SPATC1: variants seen among roughly 807,000 people sequenced by gnomAD.
SPATC1 encodes the protein speriolin.
SPATC1 carries 35 observed loss-of-function variants against 36.5 expected under a neutral mutation model. That is an observed-to-expected ratio of 0.96 (90% CI 0.73 to 1.27). The LOEUF (loss-of-function observed/expected upper bound fraction) is 1.27. Among genes scored for constraint, SPATC1 ranks in the 50% most tolerant of loss-of-function variants. The probability of loss-of-function intolerance (pLI) is 0.00; values close to 1 mark genes in which losing one functional copy is unlikely to be tolerated. For synonymous variants in SPATC1, 361 were observed against 353.6 expected, an observed-to-expected ratio of 1.02 and a Z score of -0.24; for missense variants, 779 against 796.0, an observed-to-expected ratio of 0.98 and a Z score of 0.26.
intron 1 of SPATC1, among the ~76,000 whole-genome samples, chr8:144,015,127 C>T (rs1292132963): frequency 6.6e-6 from 1 of 151,664 alleles, no homozygotes; most frequent in African/African-American, 2.4e-5. Flanking sequence ...GCAACCTCTG[C>T]TTCCTGGGTT....
At chr8:144,034,487 A>AT (rs1471623908) in intron 1 of SPATC1, among the ~76,000 whole-genome samples, 1 of 152,052 alleles carries the variant, frequency 6.6e-6, no homozygotes, top group Non-Finnish European at 1.5e-5. Flanking sequence ...AAATTTTAGA[A>AT]TGTACATGAA....
chr8:144,038,322 A>T (rs1235755203), intron 1 of SPATC1, among the ~76,000 whole-genome samples: 1 of 146,828 alleles, frequency 6.8e-6, no homozygotes, highest in Non-Finnish European at 1.5e-5. Context: ...AGTCCCAGCT[A>T]CTCAGGAGGC....
Position 144,040,454 on chromosome 8 carries a change from A to C in SPATC1, c.757A>C (p.Thr253Pro), listed in dbSNP as rs1835045888. The change falls in exon 2 of 5, where the codon ACC (threonine) becomes CCC (proline). Residue 253 changes from threonine (T) to proline (P), a missense_variant. By Grantham distance (38) the Thr-to-Pro change is conservative. Coordinates refer to ENST00000377470, the MANE Select transcript of SPATC1 (RefSeq NM_198572.3). Reference sequence around the variant, plus strand: ...CCCAGCTTGCGTGGTACCCACTGCCACCACCAAAGGTAACAGGTGTGGTGG... The same window carrying C: ...CCCAGCTTGCGTGGTACCCACTGCCCCCACCAAAGGTAACAGGTGTGGTGG... Reference protein sequence around the residue: ...QSPACVVPTATTKVPLSTEPP... With the variant: ...QSPACVVPTAPTKVPLSTEPP... 1 of 1,597,936 alleles carries C rather than the reference A, an allele frequency of 6.3e-7. No homozygotes were observed. The highest frequency in any genetic ancestry group is 8.5e-7 in the Non-Finnish European group (1 of 1,172,414).
At chr8:144,011,526 T>C (rs890770856), upstream of SPATC1, among the ~76,000 whole-genome samples, 2 of 151,734 alleles carry the variant, frequency 1.3e-5, no homozygotes, top group African/African-American at 4.8e-5. This position sits in a 1 kb window ranked among gnomAD's most constrained non-coding sequence, Gnocchi z 4.5. Flanking sequence ...CAAAAAGAGG[T>C]TTGAGGGAGA....
chr8:144,045,401 C>T lies in SPATC1; in HGVS notation c.1447-1226C>T, dbSNP rs1420506784. Among the ~76,000 whole-genome samples the T allele has an allele frequency of 6.6e-6, 1 of 152,218 alleles. No individual in the cohort carries two copies. Among genetic ancestry groups the T allele is most frequent in the Admixed American group, 6.5e-5 (1 of 15,280 alleles). ...CCGGGCCCGGTCCTGAGTCCAGCCC[C>T]AAGACTGGTACCCTGCGCCTGGAGC... is the stretch of plus-strand genomic sequence containing the variant. On this transcript the variant is annotated intron_variant, in intron 4 of 4. Coordinates refer to ENST00000377470, the MANE Select transcript of SPATC1 (RefSeq NM_198572.3). The surrounding 1 kb of genome is among the most constrained non-coding windows in gnomAD (Gnocchi z 5.2).
chr8:144,021,640 T>C, intron 1 of SPATC1, among the ~76,000 whole-genome samples: 5 of 92,016 alleles, frequency 5.4e-5, no homozygotes, highest in African/African-American at 2.1e-4. Flanking sequence ...CCCAGGACCT[T>C]CCCCCTCAAG....
At position 144,044,358 on chromosome 8, in the gene SPATC1, T is replaced by G. The variant is rs1350138039; in HGVS notation, c.1447-2269T>G. On this transcript the variant is annotated intron_variant, in intron 4 of 4. Coordinates refer to ENST00000377470, the MANE Select transcript of SPATC1 (RefSeq NM_198572.3). The stretch of plus-strand genomic sequence containing the variant: ...GCTCTGTCGCCCGGGCTGGAGTGCA[T>G]TGGCGCGATCTTGGCTCACTGCAAG... Among the ~76,000 whole-genome samples, 43 of 151,252 alleles carry G rather than the reference T, an allele frequency of 2.8e-4. No individual in the cohort carries two copies. In the Middle Eastern group the frequency reaches 0.01, roughly 36 times the overall value.
chr8:144,025,153 G>C (rs1372356711), intron 1 of SPATC1, among the ~76,000 whole-genome samples: 1 of 150,972 alleles, frequency 6.6e-6, no homozygotes, highest in Non-Finnish European at 1.5e-5. Context: ...CTCCTCTCAG[G>C]ATCATTTCAC....
Position 144,036,060 on chromosome 8 carries a change from C to A in SPATC1, c.212-3849C>A, listed in dbSNP as rs1161700192. On this transcript the variant is annotated intron_variant, in intron 1 of 4. Coordinates refer to ENST00000377470, the MANE Select transcript of SPATC1 (RefSeq NM_198572.3). ...GGACTGCTTGCCTTTGGCCCACAAGCTTTATTGTCTCCTGGGTCCTAAAAC... is the reference window on the plus strand; with the variant it reads ...GGACTGCTTGCCTTTGGCCCACAAGATTTATTGTCTCCTGGGTCCTAAAAC... Among the ~76,000 whole-genome samples, 3 of 152,160 alleles carry A rather than the reference C, an allele frequency of 2.0e-5. No individual in the cohort carries two copies. The East Asian group carries it at 5.8e-4, about 29-fold the overall frequency.
chr8:144,033,004 G>C (rs2133129270), intron 1 of SPATC1, among the ~76,000 whole-genome samples: 1 of 151,856 alleles, frequency 6.6e-6, no homozygotes, highest in East Asian at 1.9e-4. Flanking sequence ...AGCCTGGGGA[G>C]GAGGTGAATC....
chr8:144,021,324 C>CAA (rs1834529984), intron 1 of SPATC1, among the ~76,000 whole-genome samples: 1 of 129,648 alleles, frequency 7.7e-6, no homozygotes, highest in Admixed American at 7.5e-5. Flanking sequence ...GACCCTCTGC[C>CAA]CTCATGACCC....
At chr8:144,020,944 G>C (rs1834511676) in intron 1 of SPATC1, among the ~76,000 whole-genome samples, 1 of 91,022 alleles carries the variant, frequency 1.1e-5, no homozygotes, top group South Asian at 4.1e-4. Flanking sequence ...CTCACCTTAA[G>C]TACCTCTACC....
rs956365131 is a variant in SPATC1 at position 144,029,873 on chromosome 8, G to A, written c.212-10036G>A. Among the ~76,000 whole-genome samples the A allele has an allele frequency of 4.0e-4, 61 of 152,212 alleles. No homozygotes were observed. In the South Asian group the frequency reaches 0.011, roughly 28 times the overall value. ...CTATATCCTTACTGATCTTCTGTCCGGTTCTATCCACTACCGAAAGTGGGG... is the reference window on the plus strand; with the variant it reads ...CTATATCCTTACTGATCTTCTGTCCAGTTCTATCCACTACCGAAAGTGGGG... On this transcript the variant is annotated intron_variant, in intron 1 of 4. Coordinates refer to ENST00000377470, the MANE Select transcript of SPATC1 (RefSeq NM_198572.3).
At chr8:144,042,091 A>G in intron 4 of SPATC1, 1 of 797,428 alleles carries the variant, frequency 1.3e-6, no homozygotes, top group Non-Finnish European at 1.5e-6. Context: ...AGAGTACACA[A>G]CAGTGTATGT....
At chr8:144,020,682 C>CA (rs1834500342) in intron 1 of SPATC1, among the ~76,000 whole-genome samples, 1 of 3,578 alleles carries the variant, frequency 2.8e-4, no homozygotes. Flanking sequence ...CCTCTCCCCT[C>CA]GCACCCCTCT....
At position 144,040,564 on chromosome 8, in the gene SPATC1, C is replaced by A. The variant is rs1554755705; in HGVS notation, c.767-4C>A. The A allele has an allele frequency of 5.7e-6, 9 of 1,584,002 alleles. No homozygotes were observed. The highest frequency in any genetic ancestry group is 6.9e-6 in the Non-Finnish European group (8 of 1,165,428). On this transcript the variant is annotated splice_region_variant and splice_polypyrimidine_tract_variant and intron_variant, in intron 2 of 4. Transcript: ENST00000377470. The stretch of plus-strand genomic sequence containing the variant: ...TTTTATTTCTGTTCCCTCCACATCA[C>A]TAGTCCCACTCTCCACTGAGCCCCC...
Position 144,012,681 on chromosome 8 carries a change from GGGCTTGGTGA to G in SPATC1, c.170_179del (p.Leu57GlnfsTer42). 6.4e-7 allele frequency: 1 copy of G among 1,551,700 alleles called. No homozygotes were observed. The highest frequency in any genetic ancestry group is 8.7e-7 in the Non-Finnish European group (1 of 1,146,994). On this transcript the variant is annotated frameshift_variant, in exon 1 of 5. Coordinates refer to ENST00000377470, the MANE Select transcript of SPATC1 (RefSeq NM_198572.3). LOFTEE classifies it high-confidence loss of function. ...GCTCGGCATCAGCGGGTTCACGAGT[GGGCTTGGTGA>G]GGCAACAGCAGGCCTTTCCTCACGC...
intron 1 of SPATC1, among the ~76,000 whole-genome samples, chr8:144,037,615 C>T (rs368461071): frequency 2.0e-5 from 3 of 151,846 alleles, no homozygotes; most frequent in Non-Finnish European, 2.9e-5. Flanking sequence ...GCAGCATGCT[C>T]GTTAAGAGTC....
chr8:144,024,627 C>G (rs921345396), intron 1 of SPATC1, among the ~76,000 whole-genome samples: 1 of 151,652 alleles, frequency 6.6e-6, no homozygotes, highest in African/African-American at 2.4e-5. Context: ...AGAACCTGTC[C>G]CCTCAGGACC....
Sources: allele counts gnomAD v4.1 joint callset (sites outside exome capture counted in the v4.1 genomes callset), GRCh38; gene constraint gnomAD v4.1.1; non-coding constraint Gnocchi (gnomAD v3.1); transcripts MANE v1.5; gene names NCBI Gene and HGNC (gene_info 2026-07-23, HGNC 2026-07-21).